CEP120: variants seen among roughly 807,000 people sequenced by gnomAD.
The protein encoded by CEP120 is centrosomal protein of 120 kDa.
In CEP120, 113 loss-of-function variants were observed where a neutral mutation model predicts 126.5. The ratio of observed to expected loss-of-function variants is 0.89; its 90% CI spans 0.77 to 1.04. The LOEUF (loss-of-function observed/expected upper bound fraction) is 1.04, where lower values mean the gene tolerates loss of function less well. CEP120 is among the 50% of genes least tolerant of loss of function. The probability of loss-of-function intolerance (pLI) is 0.00; values close to 1 mark genes in which losing one functional copy is unlikely to be tolerated. For missense variants in CEP120, 1,230 were observed against 1,155.7 expected (o/e 1.06, Z -0.93); for synonymous variants, 400 against 394.3 (o/e 1.01, Z -0.17).
intron 4 of CEP120, among the ~76,000 whole-genome samples, chr5:123,407,845 G>A (rs1275630347): frequency 6.6e-6 from 1 of 152,040 alleles, no homozygotes; most frequent in African/African-American, 2.4e-5. Flanking sequence ...ACACATTTAA[G>A]AACAGAACCG....
intron 18 of CEP120, among the ~76,000 whole-genome samples, chr5:123,355,758 T>C: frequency 6.6e-6 from 1 of 151,914 alleles, no homozygotes; most frequent in East Asian, 1.9e-4. Flanking sequence ...TGGTAGTTTC[T>C]TTTGCTGTGC....
chr5:123,412,126 A>T (rs1774097491), intron 4 of CEP120, among the ~76,000 whole-genome samples: 1 of 152,252 alleles, frequency 6.6e-6, no homozygotes, highest in Non-Finnish European at 1.5e-5. Context: ...TACTCATCCT[A>T]GGAAGAAAAC....
At chr5:123,403,516 T>C (rs74881931) in intron 4 of CEP120, among the ~76,000 whole-genome samples, 2 of 152,114 alleles carry the variant, frequency 1.3e-5, no homozygotes, top group African/African-American at 2.4e-5. Flanking sequence ...AATAAACGAA[T>C]TGAAGGTCTA....
intron 14 of CEP120, among the ~76,000 whole-genome samples, chr5:123,380,309 T>C (rs1771548112): frequency 6.6e-6 from 1 of 152,074 alleles, no homozygotes; most frequent in Admixed American, 6.6e-5. Flanking sequence ...GACAAATGAA[T>C]TAAAGTATTT....
intron 7 of CEP120, chr5:123,390,490 A>G (rs1267108666): frequency 3.1e-6 from 1 of 326,932 alleles, no homozygotes; most frequent in Non-Finnish European, 5.9e-6. Flanking sequence ...CATGTCTAGT[A>G]TGACTTTCCT....
intron 19 of CEP120, among the ~76,000 whole-genome samples, chr5:123,349,072 C>T (rs1054848111): frequency 2.0e-5 from 3 of 152,100 alleles, no homozygotes; most frequent in African/African-American, 7.2e-5. Flanking sequence ...CAAAACCACC[C>T]TCCAAAAAGA....
At chr5:123,414,230 T>C (rs906467043) in intron 3 of CEP120, among the ~76,000 whole-genome samples, 1 of 152,006 alleles carries the variant, frequency 6.6e-6, no homozygotes, top group African/African-American at 2.4e-5. Context: ...GCACGCTACA[T>C]GAGAGAAGGT....
At chr5:123,418,597 TG>T in intron 1 of CEP120, 82 bp from the exon 2 acceptor site, 10 of 1,152,906 alleles carry the variant, frequency 8.7e-6, no homozygotes, top group East Asian at 2.7e-5. Flanking sequence ...TTTGTTTGGC[TG>T]GTTTTTTTTT....
intron 4 of CEP120, among the ~76,000 whole-genome samples, chr5:123,408,330 C>T (rs1423676407): frequency 2.6e-5 from 4 of 151,270 alleles, no homozygotes; most frequent in Admixed American, 2.6e-4. Context: ...AAATCAAAAG[C>T]TGGTTCTCTG....
chr5:123,399,084 T>C, intron 5 of CEP120, 52 bp downstream of exon 5: 2 of 1,388,174 alleles, frequency 1.4e-6, no homozygotes, highest in Non-Finnish European at 1.9e-6. Context: ...GTAAAATGTT[T>C]TACATAGTTT....
intron 16 of CEP120, among the ~76,000 whole-genome samples, chr5:123,376,184 A>T (rs1246283004): frequency 1.3e-5 from 2 of 152,126 alleles, no homozygotes; most frequent in Non-Finnish European, 2.9e-5. Flanking sequence ...ACAGGAGAAT[A>T]ATGTCCTATG....
At chr5:123,355,348 G>A (rs1241079764) in intron 18 of CEP120, among the ~76,000 whole-genome samples, 1 of 152,150 alleles carries the variant, frequency 6.6e-6, no homozygotes. Flanking sequence ...CCAGATCCCT[G>A]AGGAATCACC....
At chr5:123,401,906 G>A (rs1288315032) in intron 4 of CEP120, 12 of 1,557,548 alleles carry the variant, frequency 7.7e-6, no homozygotes, top group Non-Finnish European at 1.1e-5. Flanking sequence ...GCCGCCTAAG[G>A]TTGTTGATGT....
intron 18 of CEP120, chr5:123,358,287 C>A (rs1769795015): frequency 6.6e-6 from 1 of 152,118 alleles, no homozygotes; most frequent in South Asian, 2.1e-4. Flanking sequence ...GAAAGGGACA[C>A]AGAGGGCTTC....
At chr5:123,388,051 C>CT (rs201665075) in intron 9 of CEP120, among the ~76,000 whole-genome samples, 7 of 48,230 alleles carry the variant, frequency 1.5e-4, no homozygotes, top group African/African-American at 3.2e-4. Context: ...ATTATTATTA[C>CT]TTTTTTTTGA....
chr5:123,388,444 T>G lies in CEP120; in HGVS notation c.1418A>C (p.Asn473Thr). The change falls in exon 9 of 20, where the codon AAC becomes ACC. Residue 473 changes from asparagine (N) to threonine (T), a missense_variant. Coordinates refer to ENST00000306467, the MANE Select transcript of CEP120 (RefSeq NM_001375405.1). Reference protein sequence around the residue: ...IHALEIGFPINCILRYSYPFF... With the variant: ...IHALEIGFPITCILRYSYPFF... ...AATCAAATCACACCTTAATATACAG[T>G]TGATTGGAAAACCAATCTCCAAGGC... is the stretch of plus-strand genomic sequence containing the variant. 3.2e-6 allele frequency: 5 copies of G among 1,551,292 alleles called. No homozygotes were observed. Among genetic ancestry groups the G allele is most frequent in the Non-Finnish European group, 4.3e-6 (5 of 1,151,656 alleles).
At chr5:123,406,951 G>A (rs1304903193) in intron 4 of CEP120, among the ~76,000 whole-genome samples, 1 of 151,894 alleles carries the variant, frequency 6.6e-6, no homozygotes, top group Admixed American at 6.6e-5. Context: ...GGGACAAGAA[G>A]GAGGGATTAG....
chr5:123,400,968 G>A (rs1197136571), intron 4 of CEP120: 55 of 1,497,416 alleles, frequency 3.7e-5, no homozygotes, highest in Non-Finnish European at 3.6e-5. Context: ...CCCATCACGT[G>A]TCTCGATCTT....
At chr5:123,418,132 A>G (rs1774492186) in intron 2 of CEP120, among the ~76,000 whole-genome samples, 1 of 152,210 alleles carries the variant, frequency 6.6e-6, no homozygotes, top group South Asian at 2.1e-4. Flanking sequence ...ATGAAAATTT[A>G]TTTAAAATAT....
Sources: allele counts gnomAD v4.1 joint callset (sites outside exome capture counted in the v4.1 genomes callset), GRCh38; gene constraint gnomAD v4.1.1; transcripts MANE v1.5; gene names NCBI Gene and HGNC (gene_info 2026-07-23, HGNC 2026-07-21).